Variants in SETBP1 observed in about 807,000 individuals in gnomAD.
SETBP1 encodes the protein SET binding protein 1.
A neutral mutation model predicts 101.0 loss-of-function variants in SETBP1; 9 were observed. The ratio of observed to expected loss-of-function variants is 0.09; its 90% confidence interval spans 0.05 to 0.16. The LOEUF is 0.16. SETBP1 is among the 10% of genes least tolerant of loss of function. SETBP1 has a pLI of 1.00. For missense variants in SETBP1, 1,858 were observed against 2,033.8 expected, an observed-to-expected ratio of 0.91 and a Z score of 1.66; for synonymous variants, 818 against 788.5, an observed-to-expected ratio of 1.04 and a Z score of -0.63.
chr18:44,955,946 C>A (rs1347082315), intron 4 of SETBP1, among the ~76,000 whole-genome samples: 1 of 152,346 alleles, frequency 6.6e-6, no homozygotes, highest in South Asian at 2.1e-4. Context: ...TGTGGCCTTA[C>A]CTTTTCTGAA....
rs763904676 is a variant in SETBP1, at chr18:44,952,165, G to A, written c.2825G>A (p.Arg942Gln). The stretch of plus-strand genomic sequence containing the variant: ...AAGAAGCCAAAGCACAAGAGGAAAC[G>A]GAAAAGCCTGCAAAACCGCGATGAC... Reference protein sequence around the residue: ...SLKKPKHKRKRKSLQNRDDLQ... With the variant: ...SLKKPKHKRKQKSLQNRDDLQ... The change falls in exon 4 of 6, where the codon CGG becomes CAG. Residue 942 changes from arginine to glutamine, a missense_variant. By Grantham distance (43) the Arg-to-Gln change is conservative. Around this residue, in one of 12 missense-constraint regions of SETBP1, gnomAD observed 255 missense variants for 300.1 expected, o/e 0.85. Transcript: ENST00000649279. The A allele has an allele frequency of 5.0e-6, 8 of 1,614,110 alleles. No individual in the cohort carries two copies. Among genetic ancestry groups the A allele is most frequent in the Non-Finnish European group, 5.1e-6 (6 of 1,180,030 alleles).
intron 2 of SETBP1, among the ~76,000 whole-genome samples, chr18:44,797,442 G>A (rs988736550): frequency 2.0e-5 from 3 of 152,170 alleles, no homozygotes; most frequent in South Asian, 4.1e-4. Flanking sequence ...TAATCGCAGA[G>A]CAATATGATA....
intron 2 of SETBP1, among the ~76,000 whole-genome samples, chr18:44,797,929 T>C (rs1423052789): frequency 6.6e-6 from 1 of 152,198 alleles, no homozygotes; most frequent in Non-Finnish European, 1.5e-5. Flanking sequence ...CAGGTTGTCA[T>C]AGAGCTTGGC....
At chr18:44,872,007 A>G (rs968689657) in intron 3 of SETBP1, 12 of 152,176 alleles carry the variant, frequency 7.9e-5, no homozygotes, top group African/African-American at 2.7e-4. Flanking sequence ...ACCTCCAAAC[A>G]CATCTCCTTT....
At chr18:45,036,232 C>T (rs1202512842) in intron 4 of SETBP1, among the ~76,000 whole-genome samples, 1 of 151,170 alleles carries the variant, frequency 6.6e-6, no homozygotes, top group Non-Finnish European at 1.5e-5. Context: ...ACTCGGGAGG[C>T]TGAGGCAGGA....
At chr18:44,901,995 T>C (rs1396433389) in intron 3 of SETBP1, among the ~76,000 whole-genome samples, 1 of 152,216 alleles carries the variant, frequency 6.6e-6, no homozygotes, top group East Asian at 1.9e-4. Flanking sequence ...GGCTCATGTC[T>C]GTCTAGAGCT....
At chr18:44,937,000 C>T (rs532047451) in intron 3 of SETBP1, among the ~76,000 whole-genome samples, 1 of 152,252 alleles carries the variant, frequency 6.6e-6, no homozygotes, top group Admixed American at 6.5e-5. Context: ...TGTCTCCACC[C>T]TAGACCCTAT....
chr18:44,907,646 A>T (rs907939435), intron 3 of SETBP1, among the ~76,000 whole-genome samples: 1 of 152,140 alleles, frequency 6.6e-6, no homozygotes, highest in Non-Finnish European at 1.5e-5. Flanking sequence ...GGCCATATGT[A>T]TATTTTTTGG....
intron 2 of SETBP1, among the ~76,000 whole-genome samples, chr18:44,739,756 TG>T (rs2070055766): frequency 6.6e-6 from 1 of 152,208 alleles, no homozygotes; most frequent in Non-Finnish European, 1.5e-5. Flanking sequence ...ACCAGTATAC[TG>T]GGTTATCATC....
chr18:44,896,255 A>G (rs1394105873), intron 3 of SETBP1, among the ~76,000 whole-genome samples: 2 of 152,198 alleles, frequency 1.3e-5, no homozygotes, highest in African/African-American at 4.8e-5. Flanking sequence ...CCCATATCAT[A>G]AAGGACTCTC....
At chr18:45,042,652 G>A (rs570999503) in intron 5 of SETBP1, among the ~76,000 whole-genome samples, 6 of 152,172 alleles carry the variant, frequency 3.9e-5, no homozygotes, top group Non-Finnish European at 7.4e-5. Context: ...TTTCTAGCTT[G>A]TATGCATATA....
At chr18:44,693,952 G>A (rs1404409714) in intron 1 of SETBP1, among the ~76,000 whole-genome samples, 1 of 152,202 alleles carries the variant, frequency 6.6e-6, no homozygotes, top group Non-Finnish European at 1.5e-5. Context: ...GGAGTTCTGG[G>A]AGGAGTGGAA....
intron 2 of SETBP1, among the ~76,000 whole-genome samples, chr18:44,772,691 A>G (rs989218014): frequency 2.0e-5 from 3 of 152,248 alleles, no homozygotes; most frequent in African/African-American, 4.8e-5. Flanking sequence ...ATCCAGCTCC[A>G]CTAGATACTA....
chr18:44,682,601 C>T (rs2144083155), intron 1 of SETBP1, among the ~76,000 whole-genome samples: 1 of 152,262 alleles, frequency 6.6e-6, no homozygotes, highest in Non-Finnish European at 1.5e-5. Context: ...TGTGTTTTCC[C>T]CTGTGCTTAG....
chr18:44,970,077 T>G (rs2071808635), intron 4 of SETBP1: 1 of 154,826 alleles, frequency 6.5e-6, no homozygotes, highest in African/African-American at 2.4e-5. Context: ...GTGCATTTTC[T>G]CCTTTGACCA....
Position 44,862,275 on chromosome 18 carries a change from C to A in SETBP1, c.487-6955C>A, listed in dbSNP as rs1199988377. 5.3e-5 allele frequency among the ~76,000 whole-genome samples: 8 copies of A among 152,282 alleles called. No homozygotes were observed. The East Asian group carries it at 1.5e-3, about 29-fold the overall frequency. ...AAAAGAAAAATATAAGGAATCAAGACCAGGCTTGCTTGGAGTTATGTACAA... is the reference window on the plus strand; with the variant it reads ...AAAAGAAAAATATAAGGAATCAAGAACAGGCTTGCTTGGAGTTATGTACAA... On this transcript the variant is annotated intron_variant, in intron 2 of 5. Coordinates refer to ENST00000649279, the MANE Select transcript of SETBP1 (RefSeq NM_015559.3).
intron 4 of SETBP1, among the ~76,000 whole-genome samples, chr18:44,978,803 G>C (rs2072047593): frequency 6.6e-6 from 1 of 152,086 alleles, no homozygotes; most frequent in African/African-American, 2.4e-5. Flanking sequence ...CAGTGAGTTG[G>C]AGCTATTGGC....
At chr18:44,874,724 G>A (rs777028315) in intron 3 of SETBP1, among the ~76,000 whole-genome samples, 10 of 152,138 alleles carry the variant, frequency 6.6e-5, no homozygotes, top group East Asian at 5.8e-4. Flanking sequence ...CAAATGAACT[G>A]TTACTCCACT....
rs117499033 is a variant in SETBP1, at chr18:44,998,209, A to G, written c.4001-40276A>G. Among the ~76,000 whole-genome samples the G allele has an allele frequency of 8.8e-3, 1,345 of 152,350 alleles. 11 individuals are homozygous for G. The highest frequency in any genetic ancestry group is 0.014 in the Non-Finnish European group (925 of 68,026). ...GATGGTTCGGGGCAGAGAGGACAAC[A>G]TGGAATCCAGGGCCAAGCTAACCCT... On this transcript the variant is annotated intron_variant, in intron 4 of 5. Transcript: ENST00000649279.
Sources: gnomAD v4.1 joint callset for allele counts (sites outside exome capture counted in the v4.1 genomes callset) on GRCh38, gnomAD v4.1.1 for gene constraint, gnomAD v4.1.1 regional missense constraint, MANE v1.5 for transcripts, NCBI Gene and HGNC (gene_info 2026-07-23, HGNC 2026-07-21) for gene names.